RETREG1: variants seen among roughly 807,000 people sequenced by gnomAD.
RETREG1 encodes the protein reticulophagy regulator 1.
In RETREG1, 44 loss-of-function variants were observed where a neutral mutation model predicts 54.8. The ratio of observed to expected loss-of-function variants is 0.80; its 90% CI spans 0.63 to 1.03. The LOEUF is 1.03. RETREG1 is among the 50% of genes least tolerant of loss of function. The probability of loss-of-function intolerance (pLI) is 0.00; values close to 1 mark genes in which losing one functional copy is unlikely to be tolerated. For missense variants in RETREG1, 554 were observed against 605.1 expected (o/e 0.92, Z 0.89); for synonymous variants, 217 against 238.5 (o/e 0.91, Z 0.83).
intron 3 of RETREG1, among the ~76,000 whole-genome samples, chr5:16,521,016 T>C (rs887301192): frequency 3.3e-5 from 5 of 152,232 alleles, no homozygotes; most frequent in Admixed American, 6.5e-5. Flanking sequence ...CCAGGGCCAC[T>C]GACTTGTTCT....
intron 3 of RETREG1, among the ~76,000 whole-genome samples, chr5:16,556,806 C>G (rs1454769761): frequency 6.6e-6 from 1 of 152,098 alleles, no homozygotes; most frequent in Admixed American, 6.6e-5. Flanking sequence ...AACAGAGCAA[C>G]TAGGATACGA....
At chr5:16,480,877 C>A in intron 5 of RETREG1, 132 bp downstream of exon 5, 1 of 689,192 alleles carries the variant, frequency 1.5e-6, no homozygotes, top group South Asian at 1.6e-5. Context: ...CTTTGTACAG[C>A]AGGAGATTAA....
chr5:16,601,365 GA>G (rs540823588), intron 1 of RETREG1, among the ~76,000 whole-genome samples: 1,132 of 72,638 alleles, frequency 0.016, 10 homozygotes, highest in African/African-American at 0.038. Context: ...TAAAAAAGAG[GA>G]AAAAAAACAA....
intron 1 of RETREG1, among the ~76,000 whole-genome samples, chr5:16,584,234 A>G (rs183862147): frequency 6.6e-6 from 1 of 152,314 alleles, no homozygotes; most frequent in Non-Finnish European, 1.5e-5. Flanking sequence ...AATCACCACT[A>G]AAGAATTTAT....
intron 1 of RETREG1, among the ~76,000 whole-genome samples, chr5:16,606,676 C>T (rs1261176935): frequency 6.6e-6 from 1 of 152,130 alleles, no homozygotes; most frequent in Non-Finnish European, 1.5e-5. Context: ...CCAAATCATT[C>T]TGTCCTCCTG....
intron 2 of RETREG1, among the ~76,000 whole-genome samples, chr5:16,567,677 G>A (rs1202318274): frequency 6.6e-6 from 1 of 152,086 alleles, no homozygotes; most frequent in East Asian, 1.9e-4. Flanking sequence ...GAGCTGGGGG[G>A]CAGGCACGCT....
chr5:16,495,078 T>A (rs951880984), intron 3 of RETREG1, among the ~76,000 whole-genome samples: 1 of 152,162 alleles, frequency 6.6e-6, no homozygotes, highest in African/African-American at 2.4e-5. Flanking sequence ...CCTGTGAAAC[T>A]CTGAACTTAA....
intron 3 of RETREG1, among the ~76,000 whole-genome samples, chr5:16,532,253 G>A (rs770494534): frequency 2.6e-5 from 4 of 152,136 alleles, no homozygotes; most frequent in Admixed American, 6.5e-5. Context: ...TGGGCTGGGC[G>A]TGGTGGCTCA....
intron 3 of RETREG1, among the ~76,000 whole-genome samples, chr5:16,536,487 G>C (rs975152265): frequency 6.6e-6 from 1 of 151,942 alleles, no homozygotes; most frequent in African/African-American, 2.4e-5. Context: ...AGCAGGAATC[G>C]CCAGCCTGGT....
intron 3 of RETREG1, among the ~76,000 whole-genome samples, chr5:16,530,359 T>C (rs995749552): frequency 6.6e-6 from 1 of 152,194 alleles, no homozygotes; most frequent in African/African-American, 2.4e-5. Flanking sequence ...CTACTGGCTG[T>C]TCAATCTCAG....
At chr5:16,610,880 AT>A (rs1266661600) in intron 1 of RETREG1, among the ~76,000 whole-genome samples, 5 of 152,280 alleles carry the variant, frequency 3.3e-5, no homozygotes, top group African/African-American at 1.2e-4. Context: ...TAGAAATACC[AT>A]TTGACCCAGC....
At chr5:16,607,318 A>G (rs1431438732) in intron 1 of RETREG1, among the ~76,000 whole-genome samples, 1 of 152,128 alleles carries the variant, frequency 6.6e-6, no homozygotes, top group African/African-American at 2.4e-5. Context: ...CAGTGTCAGC[A>G]TATAGCACAC....
intron 8 of RETREG1, among the ~76,000 whole-genome samples, chr5:16,475,892 A>G (rs1390888939): frequency 6.6e-6 from 1 of 152,158 alleles, no homozygotes; most frequent in East Asian, 1.9e-4. Flanking sequence ...TATTGTTTTT[A>G]CCTTTCATAT....
chr5:16,514,049 G>T (rs1740268355), intron 3 of RETREG1, among the ~76,000 whole-genome samples: 1 of 152,144 alleles, frequency 6.6e-6, no homozygotes, highest in African/African-American at 2.4e-5. Context: ...TTTAAGATAT[G>T]CCTGAATTAA....
At chr5:16,605,629 G>T (rs2592037) in intron 1 of RETREG1, among the ~76,000 whole-genome samples, 88,437 of 152,036 alleles carry the variant, frequency 0.58, 25,869 homozygotes, top group Non-Finnish European at 0.61. Flanking sequence ...CCACTTCGGT[G>T]GCTGTAGCAA....
At chr5:16,600,446 G>A (rs933271213) in intron 1 of RETREG1, among the ~76,000 whole-genome samples, 4 of 152,236 alleles carry the variant, frequency 2.6e-5, no homozygotes, top group African/African-American at 9.6e-5. Flanking sequence ...GACCCCGGGG[G>A]TAACAGGACA....
intron 3 of RETREG1, among the ~76,000 whole-genome samples, chr5:16,519,505 A>G (rs1740462552): frequency 6.6e-6 from 1 of 152,192 alleles, no homozygotes; most frequent in African/African-American, 2.4e-5. Context: ...GCCTCTTCTC[A>G]TAATAATTAG....
At chr5:16,547,024 T>C (rs1741408321) in intron 3 of RETREG1, among the ~76,000 whole-genome samples, 1 of 152,240 alleles carries the variant, frequency 6.6e-6, no homozygotes, top group Admixed American at 6.5e-5. Context: ...TTTCCCCATG[T>C]TCTGACATCA....
chr5:16,492,227 T>TCACA (rs777847226), intron 3 of RETREG1, among the ~76,000 whole-genome samples: 1 of 117,778 alleles, frequency 8.5e-6, no homozygotes. Flanking sequence ...TCTCTCTCTC[T>TCACA]CTCACACACA....
Sources: allele counts gnomAD v4.1 joint callset (sites outside exome capture counted in the v4.1 genomes callset), GRCh38; gene constraint gnomAD v4.1.1; transcripts MANE v1.5; gene names NCBI Gene and HGNC (gene_info 2026-07-23, HGNC 2026-07-21).